Variants in BCKDHB observed in about 807,000 individuals in gnomAD.
The protein encoded by BCKDHB is branched chain keto acid dehydrogenase E1 subunit beta, also known as 2-oxoisovalerate dehydrogenase subunit beta, mitochondrial.
BCKDHB carries 41 observed loss-of-function variants against 48.5 expected under a neutral mutation model. The ratio of observed to expected loss-of-function variants is 0.85; its 90% CI spans 0.66 to 1.10. The LOEUF is 1.10. BCKDHB is among the 50% of genes least tolerant of loss of function. BCKDHB has a pLI of 0.00. For synonymous variants in BCKDHB, 201 were observed against 174.8 expected (o/e 1.15, Z -1.18); for missense variants, 496 against 494.2 (o/e 1.00, Z -0.03).
At chr6:80,423,152 A>G in the BCKDHB span, among the ~76,000 whole-genome samples, 1 of 152,008 alleles carries the variant, frequency 6.6e-6, no homozygotes, top group Non-Finnish European at 1.5e-5. Flanking sequence ...TTCTCACAAG[A>G]TCTACTGGTT....
chr6:80,372,191 C>A, the BCKDHB span, among the ~76,000 whole-genome samples: 13 of 151,058 alleles, frequency 8.6e-5, no homozygotes, highest in Admixed American at 3.3e-4. Flanking sequence ...TTGTAGAGGT[C>A]CTTGTTTAGG....
At chr6:80,197,896 A>G (rs545591306) in intron 6 of BCKDHB, among the ~76,000 whole-genome samples, 166 of 152,034 alleles carry the variant, frequency 1.1e-3, no homozygotes, top group Non-Finnish European at 1.9e-3. Context: ...CTCTCTGTCT[A>G]TTTGTCCACC....
chr6:80,323,699 A>G (rs763179219), intron 9 of BCKDHB, among the ~76,000 whole-genome samples: 5 of 152,134 alleles, frequency 3.3e-5, no homozygotes, highest in Non-Finnish European at 7.3e-5. Context: ...ATATTCCTAG[A>G]GCTCTTTTCT....
At chr6:80,221,634 T>C (rs182530614) in intron 8 of BCKDHB, among the ~76,000 whole-genome samples, 1 of 152,178 alleles carries the variant, frequency 6.6e-6, no homozygotes, top group South Asian at 2.1e-4. Flanking sequence ...TTTTTTCTCA[T>C]TTGTCTAGAA....
At chr6:80,150,332 G>A (rs1771710017) in intron 3 of BCKDHB, among the ~76,000 whole-genome samples, 3 of 151,810 alleles carry the variant, frequency 2.0e-5, no homozygotes, top group South Asian at 2.1e-4. Context: ...TGTCTCCCAC[G>A]ATGCCCATAA....
In BCKDHB at chr6:80,272,025, A is replaced by G. The variant is rs1777767015; in HGVS notation, c.952-1110A>G. ...GGCATAATTAATCACAGTCATAGAA[A>G]GCCAAATACAAATATCCTAAGGTTA... is the stretch of plus-strand genomic sequence containing the variant. On this transcript the variant is annotated intron_variant, in intron 8 of 9. Coordinates refer to ENST00000320393, the MANE Select transcript of BCKDHB (RefSeq NM_183050.4). Among the ~76,000 whole-genome samples the G allele has an allele frequency of 2.0e-5, 3 of 152,268 alleles. 1 individual carries two copies. Among genetic ancestry groups the G allele is most frequent in the Middle Eastern group, 6.8e-3 (2 of 294 alleles).
intron 8 of BCKDHB, among the ~76,000 whole-genome samples, chr6:80,267,303 G>A (rs977567587): frequency 6.6e-6 from 1 of 151,996 alleles, no homozygotes; most frequent in Non-Finnish European, 1.5e-5. Flanking sequence ...CTTGATTCTT[G>A]CCCTTGTAAC....
chr6:80,167,722 G>T lies in BCKDHB; in HGVS notation c.388G>T (p.Val130Phe), dbSNP rs1317185912. The change falls in exon 4 of 10, where the codon GTT becomes TTT. Residue 130 changes from valine (V) to phenylalanine (F), a missense_variant. Transcript: ENST00000320393. The stretch of plus-strand genomic sequence containing the variant: ...TACCCCATTGTGTGAACAAGGAATT[G>T]TTGGATTTGGAATCGGAATTGCGGT... ...FNTPLCEQGI[V>F]GFGIGIAVTG... The T allele has an allele frequency of 3.1e-6, 5 of 1,612,024 alleles. No homozygotes were observed. The East Asian group carries it at 1.1e-4, about 36-fold the overall frequency.
intron 6 of BCKDHB, among the ~76,000 whole-genome samples, chr6:80,186,528 C>T (rs1200326819): frequency 6.6e-6 from 1 of 152,212 alleles, no homozygotes; most frequent in East Asian, 1.9e-4. Context: ...AGGCCTTGCC[C>T]TTTTCCGTCT....
intron 6 of BCKDHB, among the ~76,000 whole-genome samples, chr6:80,173,081 T>A (rs1263873750): frequency 6.6e-6 from 1 of 152,150 alleles, no homozygotes; most frequent in Non-Finnish European, 1.5e-5. Context: ...ATTTAATAAA[T>A]GGCAACTGAG....
Position 80,344,976 on chromosome 6 carries a change from A to C in BCKDHB, c.*1172A>C, listed in dbSNP as rs1582603176. On this transcript the variant is annotated 3_prime_UTR_variant, in exon 10 of 10. Coordinates refer to ENST00000320393, the MANE Select transcript of BCKDHB (RefSeq NM_183050.4). Reference sequence around the variant, plus strand: ...GATCTGTTTATTGTATGTAAGGAAAAATTTTACCTGAAAACAAACAAACAA... The same window carrying C: ...GATCTGTTTATTGTATGTAAGGAAACATTTTACCTGAAAACAAACAAACAA... The C allele has an allele frequency of 6.6e-6, 1 of 152,140 alleles. No individual in the cohort carries two copies. 9.4% of individuals were successfully genotyped at this position (152,140 alleles called of 1,614,324 possible).
intron 9 of BCKDHB, among the ~76,000 whole-genome samples, chr6:80,330,557 C>T (rs1017811810): frequency 8.5e-5 from 13 of 152,134 alleles, no homozygotes; most frequent in African/African-American, 3.1e-4. Flanking sequence ...AAATGAGACA[C>T]CACTTAAGAG....
chr6:80,361,256 CAA>C, the BCKDHB span, among the ~76,000 whole-genome samples: 1 of 152,068 alleles, frequency 6.6e-6, no homozygotes, highest in Non-Finnish European at 1.5e-5. Context: ...TTAACAAACT[CAA>C]TATTTGTTCA....
chr6:80,265,839 A>G (rs1265254658), intron 8 of BCKDHB, among the ~76,000 whole-genome samples: 1 of 152,166 alleles, frequency 6.6e-6, no homozygotes. Context: ...AATGATAAAT[A>G]TAGTGGAATG....
At chr6:80,168,543 A>AAGGG (rs549040889) in intron 4 of BCKDHB, among the ~76,000 whole-genome samples, 2,682 of 123,400 alleles carry the variant, frequency 0.022, 135 homozygotes, top group African/African-American at 0.088. Context: ...GGAAGGAAGG[A>AAGGG]AGGGAGGGAG....
intron 1 of BCKDHB, among the ~76,000 whole-genome samples, chr6:80,110,993 T>C (rs1383702387): frequency 1.3e-5 from 2 of 152,218 alleles, no homozygotes; most frequent in South Asian, 2.1e-4. Context: ...CACCAGATGA[T>C]GCTTAAATTG....
chr6:80,466,506 T>C, the BCKDHB span, among the ~76,000 whole-genome samples: 17 of 152,312 alleles, frequency 1.1e-4, no homozygotes, highest in South Asian at 3.5e-3. Context: ...ATTTTCTCAC[T>C]ATACACACAC....
intron 8 of BCKDHB, among the ~76,000 whole-genome samples, chr6:80,208,178 G>A (rs1774756430): frequency 6.6e-6 from 1 of 151,658 alleles, no homozygotes; most frequent in Non-Finnish European, 1.5e-5. Flanking sequence ...TGAAAGAAAA[G>A]GACAACTAGA....
chr6:80,176,352 A>G (rs1450689443), intron 6 of BCKDHB, among the ~76,000 whole-genome samples: 1 of 152,194 alleles, frequency 6.6e-6, no homozygotes, highest in Non-Finnish European at 1.5e-5. Flanking sequence ...GTTCAAAAGC[A>G]AAGTGGAGCT....
Sources: allele counts gnomAD v4.1 joint callset (sites outside exome capture counted in the v4.1 genomes callset), GRCh38; gene constraint gnomAD v4.1.1; transcripts MANE v1.5; gene names NCBI Gene and HGNC (gene_info 2026-07-23, HGNC 2026-07-21).